Variants in MYO1E observed in about 807,000 individuals in gnomAD.
MYO1E encodes the protein myosin IE.
Under a neutral mutation model 151.1 loss-of-function variants are expected in MYO1E, and 68 were observed. The observed-to-expected ratio is 0.45, with a 90% CI of 0.37 to 0.55. The LOEUF (loss-of-function observed/expected upper bound fraction) is 0.55, where lower values mean the gene tolerates loss of function less well. MYO1E is among the 20% of genes least tolerant of loss of function. The pLI, the probability that MYO1E is intolerant of heterozygous loss-of-function variation, is 0.00. For synonymous variants in MYO1E, 601 were observed against 501.7 expected (o/e 1.20, Z -2.64); for missense variants, 1,363 against 1,389.3 (o/e 0.98, Z 0.30).
chr15:59,162,788 C>G (rs1014614721), intron 23 of MYO1E, among the ~76,000 whole-genome samples: 3 of 152,090 alleles, frequency 2.0e-5, no homozygotes, highest in African/African-American at 7.2e-5. Context: ...ATTTAAACCC[C>G]CACCTCTGTC....
At chr15:59,244,292 T>C (rs1291684693) in intron 4 of MYO1E, among the ~76,000 whole-genome samples, 1 of 152,250 alleles carries the variant, frequency 6.6e-6, no homozygotes, top group African/African-American at 2.4e-5. Flanking sequence ...GAACCCAATG[T>C]TGAGTATGAA....
At chr15:59,140,000 CA>C (rs776384365) in intron 26 of MYO1E, among the ~76,000 whole-genome samples, 30 of 152,220 alleles carry the variant, frequency 2.0e-4, no homozygotes, top group Middle Eastern at 6.8e-3. Context: ...TATTCTTATA[CA>C]AGAGTTTATC....
chr15:59,341,192 G>A (rs1256856535), intron 1 of MYO1E: 1 of 151,910 alleles, frequency 6.6e-6, no homozygotes. Flanking sequence ...CACCCTCAAG[G>A]ATTTATCCTT....
intron 1 of MYO1E, among the ~76,000 whole-genome samples, chr15:59,366,509 G>C (rs1483299824): frequency 6.6e-6 from 1 of 152,016 alleles, no homozygotes; most frequent in East Asian, 1.9e-4. Context: ...CAAAAAAATA[G>C]GTTTTATTAC....
intron 17 of MYO1E, among the ~76,000 whole-genome samples, chr15:59,192,989 T>TA: frequency 6.6e-6 from 1 of 150,814 alleles, no homozygotes. Context: ...TGGACCCTCT[T>TA]AAGAGGAAGG....
intron 1 of MYO1E, among the ~76,000 whole-genome samples, chr15:59,349,068 G>A (rs2080809785): frequency 6.6e-6 from 1 of 152,156 alleles, no homozygotes; most frequent in Non-Finnish European, 1.5e-5. Context: ...AAGGCTTGGG[G>A]GTCCAGGGGA....
At chr15:59,234,954 C>T (rs1165606301) in intron 5 of MYO1E, among the ~76,000 whole-genome samples, 1 of 152,070 alleles carries the variant, frequency 6.6e-6, no homozygotes, top group Non-Finnish European at 1.5e-5. Flanking sequence ...GGAATTCTGT[C>T]ACCAGCGGTG....
intron 9 of MYO1E, among the ~76,000 whole-genome samples, chr15:59,220,980 T>C (rs188464184): frequency 1.4e-5 from 2 of 140,038 alleles, no homozygotes; most frequent in East Asian, 4.1e-4. Context: ...TATAGCATCA[T>C]CTCACATTAT....
chr15:59,153,649 T>C lies in MYO1E; in HGVS notation c.3021A>G (p.Arg1007=). The change falls in exon 26 of 28, where the codon CGA becomes CGG. Residue 1007 remains arginine, a synonymous_variant. Coordinates refer to ENST00000288235, the MANE Select transcript of MYO1E (RefSeq NM_004998.4). The part of the protein sequence containing the change: ...LPRQQSTSSD[R]VSQTPESLDF... ...CCAGGCTCTCTGGCGTCTGTGACAC[T>C]CGGTCTGAACTGGTAGACTGCTGCC... 6.2e-7 allele frequency: 1 copy of C among 1,614,168 alleles called. No homozygotes were observed. Among genetic ancestry groups the C allele is most frequent in the Non-Finnish European group, 8.5e-7 (1 of 1,180,030 alleles).
intron 1 of MYO1E, among the ~76,000 whole-genome samples, chr15:59,341,116 G>A (rs2080762883): frequency 6.6e-6 from 1 of 152,040 alleles, no homozygotes; most frequent in South Asian, 2.1e-4. Context: ...ATAAGTAGGT[G>A]TATATGGATA....
Position 59,372,739 on chromosome 15 carries a change from G to A in MYO1E, c.-239C>T. ...AGCAGGCGGGGCGCATGCTGCGGAGGGCAAGAGTCCACTCGTACTCGCCGG... is the reference window on the plus strand; with the variant it reads ...AGCAGGCGGGGCGCATGCTGCGGAGAGCAAGAGTCCACTCGTACTCGCCGG... On this transcript the variant is annotated 5_prime_UTR_variant, in exon 1 of 28. Coordinates refer to ENST00000288235, the MANE Select transcript of MYO1E (RefSeq NM_004998.4). The A allele has an allele frequency of 1.8e-6, 1 of 567,248 alleles. No homozygotes were observed. Among genetic ancestry groups the A allele is most frequent in the Non-Finnish European group, 3.1e-6 (1 of 323,196 alleles). 35.1% of individuals were successfully genotyped at this position (567,248 alleles called of 1,614,324 possible). A position where few individuals can be genotyped will look rare whatever the true frequency, so the allele number is the denominator to read the frequency against.
rs1361524808 is a variant in MYO1E, at chr15:59,159,711, T to C, written c.2786-1332A>G. 1.3e-5 allele frequency among the ~76,000 whole-genome samples: 2 copies of C among 152,218 alleles called. No individual in the cohort carries two copies. The highest frequency in any genetic ancestry group is 2.9e-5 in the Non-Finnish European group (2 of 68,040). On this transcript the variant is annotated intron_variant, in intron 24 of 27. Transcript: ENST00000288235. The surrounding 1 kb of genome is among the most constrained non-coding windows in gnomAD (Gnocchi z 4.4). Reference sequence around the variant, plus strand: ...TCTGTTTTCTGCAAGTACTAACGGATACACAGACATACATCAACATTTTCT... The same window carrying C: ...TCTGTTTTCTGCAAGTACTAACGGACACACAGACATACATCAACATTTTCT...
intron 18 of MYO1E, among the ~76,000 whole-genome samples, chr15:59,178,804 T>C (rs185854001): frequency 6.6e-6 from 1 of 152,332 alleles, no homozygotes; most frequent in Non-Finnish European, 1.5e-5. Context: ...CTGCGTACTC[T>C]TTCTACCACT....
Position 59,261,420 on chromosome 15 carries a change from C to T in MYO1E, c.237G>A (p.Ala79=), listed in dbSNP as rs1280643388. 19 of 1,600,906 alleles carry T rather than the reference C, an allele frequency of 1.2e-5. 1 individual carries two copies. Among genetic ancestry groups the T allele is most frequent in the South Asian group, 2.2e-5 (2 of 90,798 alleles). The change falls in exon 3 of 28, where the codon GCG becomes GCA. Residue 79 remains alanine (A), a splice_region_variant and synonymous_variant. Coordinates refer to ENST00000288235, the MANE Select transcript of MYO1E (RefSeq NM_004998.4). ...GTAATTTATGTGACACGTAACTTAC[C>T]GCTCCTTGGTACATTTCAATTTCCT... The part of the protein sequence containing the change: ...GEKEIEMYQG[A]AQYENPPHIY...
chr15:59,148,902 C>T (rs2079457566), intron 26 of MYO1E, among the ~76,000 whole-genome samples: 1 of 152,064 alleles, frequency 6.6e-6, no homozygotes, highest in Non-Finnish European at 1.5e-5. Context: ...TTAAAAAGGT[C>T]AACAGACATT....
chr15:59,167,589 A>G (rs1407055668), intron 22 of MYO1E, among the ~76,000 whole-genome samples: 2 of 152,098 alleles, frequency 1.3e-5, no homozygotes, highest in Admixed American at 6.5e-5. Context: ...CCGTGTCTCA[A>G]CTCTGTATTG....
intron 17 of MYO1E, among the ~76,000 whole-genome samples, chr15:59,194,565 T>C (rs2079754344): frequency 6.6e-6 from 1 of 152,208 alleles, no homozygotes; most frequent in Non-Finnish European, 1.5e-5. Flanking sequence ...TAAAAGAGCC[T>C]ACCTTCTTTT....
chr15:59,360,195 C>A (rs2080877450), intron 1 of MYO1E, among the ~76,000 whole-genome samples: 1 of 152,138 alleles, frequency 6.6e-6, no homozygotes. Context: ...GAATTTTTCA[C>A]GTCCTGTACA....
At chr15:59,158,439 G>T in intron 24 of MYO1E, 60 bp from the exon 25 acceptor site, 2 of 1,349,180 alleles carry the variant, frequency 1.5e-6, no homozygotes, top group Admixed American at 2.0e-5. Context: ...GGATCCTCAT[G>T]GTTCTTTGCA....
Sources: allele counts gnomAD v4.1 joint callset (sites outside exome capture counted in the v4.1 genomes callset), GRCh38; gene constraint gnomAD v4.1.1; non-coding constraint Gnocchi (gnomAD v3.1); transcripts MANE v1.5; gene names NCBI Gene and HGNC (gene_info 2026-07-23, HGNC 2026-07-21).